XYLT1: variants seen among roughly 807,000 people sequenced by gnomAD.
XYLT1 encodes xylosyltransferase 1.
In XYLT1, 36 loss-of-function variants were observed where a neutral mutation model predicts 91.3. That is an observed-to-expected ratio of 0.39 (90% CI 0.30 to 0.52). The LOEUF is 0.52. Ranked by LOEUF, XYLT1 falls within the 20% of genes least tolerant of loss-of-function variation. The pLI, the probability that XYLT1 is intolerant of heterozygous loss-of-function variation, is 0.68. For synonymous variants in XYLT1, 588 were observed against 532.0 expected (o/e 1.11, Z -1.45); for missense variants, 1,242 against 1,284.5 (o/e 0.97, Z 0.51).
intron 1 of XYLT1, among the ~76,000 whole-genome samples, chr16:17,367,508 T>G (rs545162891): frequency 6.6e-6 from 1 of 152,230 alleles, no homozygotes; most frequent in Admixed American, 6.5e-5. Context: ...GTGGCCCAAC[T>G]GGAACCAATA....
chr16:17,415,463 G>A (rs1360628822), intron 1 of XYLT1, among the ~76,000 whole-genome samples: 1 of 152,176 alleles, frequency 6.6e-6, no homozygotes, highest in African/African-American at 2.4e-5. Flanking sequence ...GCCGAGGCGG[G>A]CGGATTGCCT....
chr16:17,133,487 C>A (rs2030578127), intron 9 of XYLT1, among the ~76,000 whole-genome samples: 1 of 152,052 alleles, frequency 6.6e-6, no homozygotes, highest in Admixed American at 6.5e-5. Context: ...AGTGAAGGGC[C>A]AGATTAAGCA....
chr16:17,344,411 C>A (rs1446161431), intron 2 of XYLT1, among the ~76,000 whole-genome samples: 8 of 149,126 alleles, frequency 5.4e-5, no homozygotes. Context: ...GAGAATGGCA[C>A]GAACCCGGGA....
intron 3 of XYLT1, chr16:17,250,371 T>G (rs1484010622): frequency 2.6e-5 from 4 of 152,216 alleles, no homozygotes; most frequent in Non-Finnish European, 5.9e-5. Flanking sequence ...CAAGTGAAAA[T>G]TATGTGAAAC....
chr16:17,313,734 GGTTCT>G (rs2034586851), intron 2 of XYLT1, among the ~76,000 whole-genome samples: 1 of 151,946 alleles, frequency 6.6e-6, no homozygotes, highest in Non-Finnish European at 1.5e-5. Context: ...CATTGGGAGT[GGTTCT>G]GCCCAGACAT....
intron 1 of XYLT1, among the ~76,000 whole-genome samples, chr16:17,414,085 C>T (rs982987058): frequency 9.9e-5 from 15 of 152,204 alleles, no homozygotes; most frequent in Middle Eastern, 3.4e-3. Context: ...TTTCTCCTTA[C>T]TCCTGTCTTC....
intron 1 of XYLT1, among the ~76,000 whole-genome samples, chr16:17,427,057 C>T (rs2036327826): frequency 6.6e-6 from 1 of 152,132 alleles, no homozygotes; most frequent in Admixed American, 6.5e-5. Context: ...TCATGGTAGG[C>T]AGAGCCCATG....
chr16:17,228,337 T>C (rs1166597292), intron 3 of XYLT1, among the ~76,000 whole-genome samples: 2 of 152,206 alleles, frequency 1.3e-5, no homozygotes, highest in Non-Finnish European at 2.9e-5. Context: ...ATTCATATGA[T>C]CCTTGTAATC....
intron 2 of XYLT1, among the ~76,000 whole-genome samples, chr16:17,340,120 T>TATCC (rs998955410): frequency 2.0e-5 from 3 of 151,952 alleles, no homozygotes; most frequent in Non-Finnish European, 2.9e-5. Flanking sequence ...ACCCATCCTG[T>TATCC]ATCCACTCAT....
chr16:17,362,731 G>A (rs1255124002), intron 1 of XYLT1, among the ~76,000 whole-genome samples: 1 of 152,242 alleles, frequency 6.6e-6, no homozygotes, highest in Non-Finnish European at 1.5e-5. Flanking sequence ...CCTGAGCTAA[G>A]CCTCAGCCAT....
At position 17,421,002 on chromosome 16, in the gene XYLT1, C is replaced by T. The variant is rs1289997882; in HGVS notation, c.363+49432G>A. On this transcript the variant is annotated intron_variant, in intron 1 of 11. Transcript: ENST00000261381. ...ACACGAGTCAACCACTCTTGCACCA[C>T]CACAGGTATGCATGTATTAATATCG... 4.6e-5 allele frequency among the ~76,000 whole-genome samples: 7 copies of T among 152,298 alleles called. No individual in the cohort carries two copies. The South Asian group carries it at 1.4e-3, about 32-fold the overall frequency.
chr16:17,305,153 C>G (rs979436651), intron 2 of XYLT1, among the ~76,000 whole-genome samples: 8 of 152,114 alleles, frequency 5.3e-5, no homozygotes, highest in African/African-American at 1.9e-4. Context: ...GACTGCAAAG[C>G]CATCCCAGTT....
At chr16:17,429,851 C>A (rs2036368028) in intron 1 of XYLT1, among the ~76,000 whole-genome samples, 1 of 151,970 alleles carries the variant, frequency 6.6e-6, no homozygotes, top group African/African-American at 2.4e-5. Context: ...TCATGACCAG[C>A]TTTCCTGGGT....
intron 5 of XYLT1, among the ~76,000 whole-genome samples, chr16:17,197,025 A>ATATATATATATATATATATATC (rs2032441519): frequency 9.2e-6 from 1 of 108,300 alleles, no homozygotes; most frequent in African/African-American, 4.1e-5. Flanking sequence ...ATATATATAT[A>ATATATATATATATATATATATC]TATATAGATA....
At chr16:17,233,033 C>T (rs2033192410) in intron 3 of XYLT1, among the ~76,000 whole-genome samples, 1 of 152,078 alleles carries the variant, frequency 6.6e-6, no homozygotes, top group African/African-American at 2.4e-5. Flanking sequence ...GTCTCCTCTG[C>T]TCTTCAGGGG....
At chr16:17,112,949 C>T (rs1386456328) in intron 11 of XYLT1, among the ~76,000 whole-genome samples, 3 of 152,104 alleles carry the variant, frequency 2.0e-5, no homozygotes, top group Admixed American at 6.5e-5. Flanking sequence ...AAGCAATTCT[C>T]CTGCCTCAGC....
intron 2 of XYLT1, among the ~76,000 whole-genome samples, chr16:17,304,375 C>T (rs764849476): frequency 3.3e-5 from 5 of 152,100 alleles, no homozygotes; most frequent in African/African-American, 4.8e-5. Context: ...TTTCCCCCTC[C>T]TTCCTCCCCA....
At chr16:17,387,944 A>G (rs1445670641) in intron 1 of XYLT1, among the ~76,000 whole-genome samples, 1 of 152,210 alleles carries the variant, frequency 6.6e-6, no homozygotes, top group East Asian at 1.9e-4. Flanking sequence ...CAAAGATGCT[A>G]CACAAACCAT....
chr16:17,456,085 G>A (rs1431313593), intron 1 of XYLT1, among the ~76,000 whole-genome samples: 5 of 152,174 alleles, frequency 3.3e-5, no homozygotes, highest in Admixed American at 2.0e-4. Flanking sequence ...ATGGAAGGTG[G>A]AGGCCGTCAC....
Sources: allele counts gnomAD v4.1 joint callset (sites outside exome capture counted in the v4.1 genomes callset), GRCh38; gene constraint gnomAD v4.1.1; transcripts MANE v1.5; gene names NCBI Gene and HGNC (gene_info 2026-07-23, HGNC 2026-07-21).